Variants in HTR7 observed in about 807,000 individuals in gnomAD.
HTR7 encodes the protein 5-hydroxytryptamine receptor 7.
A neutral mutation model predicts 34.0 loss-of-function variants in HTR7; 16 were observed. The observed-to-expected ratio is 0.47, with a 90% CI of 0.32 to 0.71. HTR7 has a LOEUF of 0.71. HTR7 is among the 30% of genes least tolerant of loss of function. HTR7 has a pLI of 0.04. For synonymous variants in HTR7, 265 were observed against 260.2 expected (o/e 1.02, Z -0.18); for missense variants, 504 against 625.5 (o/e 0.81, Z 2.07).
intron 1 of HTR7, among the ~76,000 whole-genome samples, chr10:90,807,221 T>C (rs1395781252): frequency 6.6e-6 from 1 of 152,102 alleles, no homozygotes; most frequent in African/African-American, 2.4e-5. Flanking sequence ...AGGAGGGTAT[T>C]CTTAGAGAAC....
chr10:90,779,274 A>G (rs1432713625), intron 1 of HTR7, among the ~76,000 whole-genome samples: 3 of 152,238 alleles, frequency 2.0e-5, no homozygotes, highest in African/African-American at 7.2e-5. Flanking sequence ...AAATAGAGAA[A>G]GAGGGACCAA....
At chr10:90,810,913 T>G (rs1845796635) in intron 1 of HTR7, among the ~76,000 whole-genome samples, 1 of 152,200 alleles carries the variant, frequency 6.6e-6, no homozygotes, top group African/African-American at 2.4e-5. Context: ...CTGACTGATC[T>G]CTCAAACCCC....
intron 1 of HTR7, among the ~76,000 whole-genome samples, chr10:90,842,342 G>A (rs1232050647): frequency 2.0e-5 from 3 of 152,284 alleles, no homozygotes; most frequent in South Asian, 2.1e-4. Flanking sequence ...CTAGAACTGT[G>A]AGAAACAAAT....
At chr10:90,820,884 C>G (rs1319055024) in intron 1 of HTR7, among the ~76,000 whole-genome samples, 1 of 152,130 alleles carries the variant, frequency 6.6e-6, no homozygotes, top group African/African-American at 2.4e-5. Context: ...TTAAAAAGCT[C>G]TCTAGCATAT....
chr10:90,793,571 A>G (rs1392847060), intron 1 of HTR7, among the ~76,000 whole-genome samples: 2 of 151,196 alleles, frequency 1.3e-5, no homozygotes, highest in Non-Finnish European at 2.9e-5. Context: ...GGAATTACAG[A>G]CAAGTGTACA....
chr10:90,757,068 CA>C (rs1159961211), intron 1 of HTR7, among the ~76,000 whole-genome samples: 2 of 152,006 alleles, frequency 1.3e-5, no homozygotes, highest in Non-Finnish European at 2.9e-5. Flanking sequence ...AAGAAAGAAC[CA>C]AAATTTATCA....
intron 1 of HTR7, among the ~76,000 whole-genome samples, chr10:90,793,053 G>C (rs1333370126): frequency 6.6e-6 from 1 of 152,104 alleles, no homozygotes; most frequent in Non-Finnish European, 1.5e-5. Context: ...TAACAAATGT[G>C]AAGAAACAGA....
intron 2 of HTR7, 144 bp from the exon 3 acceptor site, chr10:90,743,834 C>T: frequency 1.3e-6 from 1 of 749,826 alleles, no homozygotes; most frequent in South Asian, 1.5e-5. Flanking sequence ...AAATTGATAG[C>T]AGTAAATTAA....
intron 1 of HTR7, among the ~76,000 whole-genome samples, chr10:90,821,315 C>A (rs1218073536): frequency 6.6e-6 from 1 of 152,210 alleles, no homozygotes; most frequent in East Asian, 1.9e-4. Context: ...CATAGAGAAT[C>A]CGTGCACTTG....
chr10:90,814,197 T>A (rs750077509), intron 1 of HTR7, among the ~76,000 whole-genome samples: 4 of 152,188 alleles, frequency 2.6e-5, no homozygotes, highest in Non-Finnish European at 4.4e-5. Flanking sequence ...AGGGGAACTA[T>A]CCAACTCTAC....
intron 1 of HTR7, among the ~76,000 whole-genome samples, chr10:90,812,117 G>A (rs1026656195): frequency 5.9e-5 from 9 of 152,178 alleles, no homozygotes; most frequent in African/African-American, 1.9e-4. Flanking sequence ...TCAGAAGTCA[G>A]ACCTGTCCTC....
At chr10:90,846,092 G>C (rs557655864) in intron 1 of HTR7, among the ~76,000 whole-genome samples, 1 of 152,322 alleles carries the variant, frequency 6.6e-6, no homozygotes, top group East Asian at 1.9e-4. Flanking sequence ...AAAATGCTTA[G>C]AATCTTTTTT....
intron 1 of HTR7, among the ~76,000 whole-genome samples, chr10:90,840,914 A>G (rs1401690852): frequency 6.6e-6 from 1 of 152,220 alleles, no homozygotes; most frequent in Non-Finnish European, 1.5e-5. Flanking sequence ...TGTTGACTCC[A>G]AGGCCTGGGC....
At chr10:90,795,795 T>C (rs1845528834) in intron 1 of HTR7, among the ~76,000 whole-genome samples, 1 of 152,164 alleles carries the variant, frequency 6.6e-6, no homozygotes, top group Non-Finnish European at 1.5e-5. Flanking sequence ...AAGATTTACA[T>C]TGGTACATTG....
At chr10:90,820,848 G>A (rs1265926080) in intron 1 of HTR7, among the ~76,000 whole-genome samples, 1 of 152,126 alleles carries the variant, frequency 6.6e-6, no homozygotes, top group Non-Finnish European at 1.5e-5. Flanking sequence ...GTTGGGGACT[G>A]TCTATAATCT....
At chr10:90,820,937 G>A (rs1415138278) in intron 1 of HTR7, among the ~76,000 whole-genome samples, 2 of 152,118 alleles carry the variant, frequency 1.3e-5, no homozygotes, top group African/African-American at 4.8e-5. Flanking sequence ...TATGAGGAAG[G>A]TATTATCAAC....
chr10:90,798,748 C>A (rs2119911845), intron 1 of HTR7, among the ~76,000 whole-genome samples: 2 of 152,278 alleles, frequency 1.3e-5, no homozygotes, highest in East Asian at 3.9e-4. Context: ...TGACAGAGAT[C>A]TGACCTAACC....
chr10:90,769,867 G>A (rs1186309789), intron 1 of HTR7, among the ~76,000 whole-genome samples: 2 of 152,196 alleles, frequency 1.3e-5, no homozygotes, highest in African/African-American at 4.8e-5. Context: ...AAATAAAACT[G>A]AAAATCCCTT....
chr10:90,771,934 GA>G (rs1198396434), intron 1 of HTR7, among the ~76,000 whole-genome samples: 2 of 150,900 alleles, frequency 1.3e-5, no homozygotes, highest in Admixed American at 6.6e-5. Context: ...GAAATAGAGG[GA>G]AAAAAAAGTA....
Sources: gnomAD v4.1 joint callset for allele counts (sites outside exome capture counted in the v4.1 genomes callset) on GRCh38, gnomAD v4.1.1 for gene constraint, MANE v1.5 for transcripts, NCBI Gene and HGNC (gene_info 2026-07-23, HGNC 2026-07-21) for gene names.